Variants in LYRM4 observed in about 807,000 individuals in gnomAD.
The protein encoded by LYRM4 is LYR motif-containing protein 4.
LYRM4 carries 9 observed loss-of-function variants against 11.7 expected under a neutral mutation model. The ratio of observed to expected loss-of-function variants is 0.77; its 90% CI spans 0.46 to 1.34. LYRM4 has a LOEUF of 1.34. LYRM4 is among the 40% of genes most tolerant of loss of function. LYRM4 has a pLI of 0.00. For synonymous variants in LYRM4, 42 were observed against 40.4 expected, an observed-to-expected ratio of 1.04 and a Z score of -0.15; for missense variants, 133 against 112.5, an observed-to-expected ratio of 1.18 and a Z score of -0.82.
chr6:5,037,915 G>A, the LYRM4 span, among the ~76,000 whole-genome samples: 1 of 52,068 alleles, frequency 1.9e-5, no homozygotes. Flanking sequence ...CTCACCTCCC[G>A]GACGGGGCCG....
downstream of LYRM4, chr6:5,108,401 T>C: frequency 3.2e-6 from 3 of 949,144 alleles, no homozygotes; most frequent in Non-Finnish European, 3.8e-6. Context: ...ATGTTTGGAA[T>C]GAATCTGTTT....
chr6:5,213,925 C>T (rs1762115761), intron 2 of LYRM4, among the ~76,000 whole-genome samples: 1 of 152,246 alleles, frequency 6.6e-6, no homozygotes, highest in Non-Finnish European at 1.5e-5. Context: ...CACTACAACG[C>T]ATGAAGTAGG....
chr6:5,145,331 CA>C (rs1757657952), intron 2 of LYRM4, among the ~76,000 whole-genome samples: 1 of 152,208 alleles, frequency 6.6e-6, no homozygotes, highest in African/African-American at 2.4e-5. Flanking sequence ...ATGTGGGGGG[CA>C]CGCGCCTGTG....
rs564597065 is a variant in LYRM4, at chr6:5,186,844, C to T, written c.207+29774G>A. The T allele has an allele frequency of 4.9e-5, 25 of 509,700 alleles. No homozygotes were observed. Among genetic ancestry groups the T allele is most frequent in the Admixed American group, 1.2e-4 (4 of 34,372 alleles). 31.6% of individuals were successfully genotyped at this position (509,700 alleles called of 1,614,324 possible). A position where few individuals can be genotyped will look rare whatever the true frequency, so the allele number is the denominator to read the frequency against. ...ACTAAGAATACAAAAATTAGCCAGGCGTGGTGGCGTGCGCCTATAATCCCA... is the reference window on the plus strand; with the variant it reads ...ACTAAGAATACAAAAATTAGCCAGGTGTGGTGGCGTGCGCCTATAATCCCA... On this transcript the variant is annotated intron_variant, in intron 2 of 2. Transcript: ENST00000330636.
chr6:5,196,619 C>T (rs1039944319), intron 2 of LYRM4, among the ~76,000 whole-genome samples: 4 of 152,210 alleles, frequency 2.6e-5, no homozygotes, highest in Non-Finnish European at 5.9e-5. Flanking sequence ...CAGCACACCA[C>T]TATCAGGGGA....
the LYRM4 span, among the ~76,000 whole-genome samples, chr6:5,048,126 C>T: frequency 6.2e-4 from 94 of 152,204 alleles, no homozygotes; most frequent in African/African-American, 2.1e-3. Flanking sequence ...TATGAGCATT[C>T]GTATTCTAAG....
At chr6:5,103,275 A>T (rs1762557758), downstream of LYRM4, 1 of 152,244 alleles carries the variant, frequency 6.6e-6, no homozygotes, top group Admixed American at 6.5e-5. Context: ...TCGGGGTTGC[A>T]CATGGCACGG....
intron 2 of LYRM4, among the ~76,000 whole-genome samples, chr6:5,161,762 G>T (rs370456594): frequency 6.6e-6 from 1 of 152,150 alleles, no homozygotes; most frequent in Non-Finnish European, 1.5e-5. Context: ...CTTGCGTTAC[G>T]CTCATGAACT....
rs115785006 is a variant in LYRM4 at position 5,224,572 on chromosome 6, C to T, written c.87-7834G>A. ...ATGCAGATATATACAGAATGATGTT[C>T]GTTTTAGATTTATAAGCATTAAAAA... is the stretch of plus-strand genomic sequence containing the variant. On this transcript the variant is annotated intron_variant, in intron 1 of 2. Coordinates refer to ENST00000330636, the MANE Select transcript of LYRM4 (RefSeq NM_020408.6). 7.8e-3 allele frequency among the ~76,000 whole-genome samples: 1,186 copies of T among 152,232 alleles called. 13 individuals are homozygous for T. The highest frequency in any genetic ancestry group is 0.027 in the African/African-American group (1,130 of 41,542).
chr6:5,046,155 T>C, the LYRM4 span, among the ~76,000 whole-genome samples: 1 of 152,052 alleles, frequency 6.6e-6, no homozygotes, highest in Non-Finnish European at 1.5e-5. Context: ...TATTCCACTT[T>C]TTTTTTTTTG....
chr6:5,172,431 G>A (rs1404670952), intron 2 of LYRM4, among the ~76,000 whole-genome samples: 1 of 152,096 alleles, frequency 6.6e-6, no homozygotes, highest in African/African-American at 2.4e-5. Flanking sequence ...ACAGTTTCAC[G>A]AGCACCTCCC....
chr6:5,245,711 A>G (rs1332826758), intron 1 of LYRM4, among the ~76,000 whole-genome samples: 1 of 152,196 alleles, frequency 6.6e-6, no homozygotes, highest in Non-Finnish European at 1.5e-5. Flanking sequence ...ATCAGAACAA[A>G]ATAAATGTAC....
chr6:5,176,759 CTGTTTCT>C, intron 2 of LYRM4, among the ~76,000 whole-genome samples: 1 of 152,310 alleles, frequency 6.6e-6, no homozygotes, highest in East Asian at 1.9e-4. Context: ...AGCTGATTAT[CTGTTTCT>C]TTCACAGTGG....
chr6:5,136,950 T>G, intron 2 of LYRM4: 1 of 544,362 alleles, frequency 1.8e-6, no homozygotes. Context: ...TTAGAGCATT[T>G]TCATTACCCC....
chr6:5,123,309 G>A (rs1763547119), intron 2 of LYRM4, among the ~76,000 whole-genome samples: 1 of 152,208 alleles, frequency 6.6e-6, no homozygotes, highest in African/African-American at 2.4e-5. Flanking sequence ...CATGGAGAGT[G>A]GAGGTGAGAG....
chr6:5,176,099 C>G (rs1393747060), intron 2 of LYRM4, among the ~76,000 whole-genome samples: 1 of 149,136 alleles, frequency 6.7e-6, no homozygotes, highest in Non-Finnish European at 1.5e-5. Context: ...GAGTCTCGCT[C>G]TATTGCCCAG....
At chr6:5,071,373 T>G in the LYRM4 span, among the ~76,000 whole-genome samples, 4 of 152,078 alleles carry the variant, frequency 2.6e-5, no homozygotes, top group African/African-American at 9.7e-5. Flanking sequence ...AAATTAAACT[T>G]TAACCCAAGG....
At chr6:5,091,934 G>C in the LYRM4 span, among the ~76,000 whole-genome samples, 2 of 152,134 alleles carry the variant, frequency 1.3e-5, no homozygotes, top group African/African-American at 4.8e-5. Flanking sequence ...CATTCCCATC[G>C]TTGTCACTGG....
chr6:5,198,479 A>G (rs1362560604), intron 2 of LYRM4, among the ~76,000 whole-genome samples: 1 of 152,184 alleles, frequency 6.6e-6, no homozygotes, highest in African/African-American at 2.4e-5. Flanking sequence ...AAAGGACTCT[A>G]TGAGGTACCA....
Sources: gnomAD v4.1 joint callset for allele counts (sites outside exome capture counted in the v4.1 genomes callset) on GRCh38, gnomAD v4.1.1 for gene constraint, MANE v1.5 for transcripts, NCBI Gene and HGNC (gene_info 2026-07-23, HGNC 2026-07-21) for gene names.